Variants in KIAA1614 observed in about 807,000 individuals in gnomAD.
KIAA1614 encodes uncharacterized protein KIAA1614.
A neutral mutation model predicts 88.7 loss-of-function variants in KIAA1614; 76 were observed. That is an observed-to-expected ratio of 0.86 (90% CI 0.71 to 1.04). The LOEUF (loss-of-function observed/expected upper bound fraction) is 1.04, where lower values mean the gene tolerates loss of function less well. KIAA1614 is among the 50% of genes least tolerant of loss of function. The probability of loss-of-function intolerance (pLI) is 0.00; values close to 1 mark genes in which losing one functional copy is unlikely to be tolerated. For missense variants in KIAA1614, 1,553 were observed against 1,582.5 expected (o/e 0.98, Z 0.32); for synonymous variants, 714 against 675.5 (o/e 1.06, Z -0.88).
chr1:180,923,690 C>CAG (rs1654003016), intron 3 of KIAA1614, among the ~76,000 whole-genome samples: 1 of 152,140 alleles, frequency 6.6e-6, no homozygotes, highest in African/African-American at 2.4e-5. Context: ...AAATGTCTGG[C>CAG]AGAGGCACGT....
At position 180,916,913 on chromosome 1, in the gene KIAA1614, C is replaced by T. The variant is rs774752824; in HGVS notation, c.810C>T (p.Ala270=). ...TSEEVFVPRT[A]LLGERWRAGD... ...AGGAGGTCTTTGTCCCCAGGACGGC[C>T]CTGCTGGGTGAGCGCTGGAGAGCTG... The change falls in exon 2 of 9, where the codon GCC becomes GCT. Residue 270 remains alanine (A), a synonymous_variant. Transcript: ENST00000367588. 1.6e-5 allele frequency: 26 copies of T among 1,614,086 alleles called. No homozygotes were observed. The South Asian group carries it at 1.9e-4, about 12-fold the overall frequency.
At chr1:180,925,443 G>T (rs1375506832) in intron 3 of KIAA1614, among the ~76,000 whole-genome samples, 1 of 152,246 alleles carries the variant, frequency 6.6e-6, no homozygotes, top group Non-Finnish European at 1.5e-5. Context: ...GGAAGCGGCA[G>T]ATCCCTCTAC....
rs1445344887 is a variant in KIAA1614 at position 180,948,700 on chromosome 1, C to T, written c.*3112C>T. Reference sequence around the variant, plus strand: ...ACAGGGAGGGCAAGCAGTGAAAGGTCCATCTAGAGGAGGTAAAAGACAGGG... The same window carrying T: ...ACAGGGAGGGCAAGCAGTGAAAGGTTCATCTAGAGGAGGTAAAAGACAGGG... On this transcript the variant is annotated 3_prime_UTR_variant, in exon 9 of 9. Coordinates refer to ENST00000367588, the MANE Select transcript of KIAA1614 (RefSeq NM_020950.2). The T allele has an allele frequency of 6.6e-6, 1 of 152,228 alleles. No homozygotes were observed. Among genetic ancestry groups the T allele is most frequent in the Non-Finnish European group, 1.5e-5 (1 of 68,078 alleles). The allele number at this position is 152,228 out of a possible 1,614,324, so 9.4% of individuals were successfully genotyped here. A position where few individuals can be genotyped will look rare whatever the true frequency, so the allele number is the denominator to read the frequency against.
intron 3 of KIAA1614, among the ~76,000 whole-genome samples, chr1:180,926,474 G>GAAA (rs60582450): frequency 7.9e-6 from 1 of 126,894 alleles, no homozygotes; most frequent in Non-Finnish European, 1.7e-5. Flanking sequence ...CAGCTGATGA[G>GAAA]AAAAAAAAAA....
In KIAA1614 at chr1:180,929,625, C is replaced by T. The variant is rs75794414; in HGVS notation, c.1205+1052C>T. ...CTGCCCCCTGAGCAACACACTGCAT[C>T]CCCATCTTCCTGCCTGTTCCGCCGA... is the stretch of plus-strand genomic sequence containing the variant. On this transcript the variant is annotated intron_variant, in intron 4 of 8. Transcript: ENST00000367588. Among the ~76,000 whole-genome samples the T allele has an allele frequency of 3.3e-3, 500 of 152,350 alleles. 5 individuals carry two copies. Among genetic ancestry groups the T allele is most frequent in the Non-Finnish European group, 5.3e-3 (363 of 68,034 alleles).
Position 180,935,937 on chromosome 1 carries a change from C to T in KIAA1614, c.2028C>T (p.His676=). ...CTTGGGGCCTTCAGGCCCAGCAACA[C>T]CTGCCTAGGGCTGATGATGTGGAGG... ...ELPWGLQAQQ[H]LPRADDVEVE... The change falls in exon 5 of 9, where the codon CAC becomes CAT. Residue 676 remains histidine (H), a synonymous_variant. Transcript: ENST00000367588. The surrounding 1 kb of genome is among the most constrained non-coding windows in gnomAD (Gnocchi z 6.1). 6.2e-7 allele frequency: 1 copy of T among 1,614,016 alleles called. No individual in the cohort carries two copies. The highest frequency in any genetic ancestry group is 8.5e-7 in the Non-Finnish European group (1 of 1,179,928).
chr1:180,945,230 C>T, intron 8 of KIAA1614, 73 bp from the exon 9 acceptor site: 3 of 1,482,620 alleles, frequency 2.0e-6, no homozygotes, highest in Non-Finnish European at 2.7e-6. Context: ...CATCGGTCAT[C>T]TGTAAGCCAG....
Position 180,948,782 on chromosome 1 carries a change from AG to A in KIAA1614, c.*3195del, listed in dbSNP as rs1268159290. On this transcript the variant is annotated 3_prime_UTR_variant, in exon 9 of 9. Coordinates refer to ENST00000367588, the MANE Select transcript of KIAA1614 (RefSeq NM_020950.2). ...GCAGATGTACTCTGTCAGGGAAGAC[AG>A]CCCCACAGAAAAGGCTCGGCTTGGC... 2.6e-5 allele frequency: 4 copies of A among 152,354 alleles called. No homozygotes were observed. The highest frequency in any genetic ancestry group is 9.6e-5 in the African/African-American group (4 of 41,460). 9.4% of individuals were successfully genotyped at this position (152,354 alleles called of 1,614,324 possible).
At chr1:180,916,083 TG>T in intron 1 of KIAA1614, 70 bp from the exon 2 acceptor site, 1 of 1,254,944 alleles carries the variant, frequency 8.0e-7, no homozygotes, top group Non-Finnish European at 1.1e-6. Flanking sequence ...CAAGACACTT[TG>T]GGGCCCCGGG....
At chr1:180,926,038 C>G (rs1397116734) in intron 3 of KIAA1614, among the ~76,000 whole-genome samples, 2 of 152,228 alleles carry the variant, frequency 1.3e-5, no homozygotes, top group Non-Finnish European at 2.9e-5. Context: ...CACTTTATTC[C>G]TATGCTCCAC....
In KIAA1614 at chr1:180,935,425, G is replaced by A. The variant is rs2102269665; in HGVS notation, c.1516G>A (p.Asp506Asn). Reference sequence around the variant, plus strand: ...CATCAACGGGGCTCCCCGGCTCCGGGACGCGGGGCAGGGGACATTCCACAG... The same window carrying A: ...CATCAACGGGGCTCCCCGGCTCCGGAACGCGGGGCAGGGGACATTCCACAG... ...DYINGAPRLR[D>N]AGQGTFHRLV... Residue 506 changes from aspartate to asparagine, a missense_variant, in exon 5 of 9, where the codon GAC becomes AAC. Asp to Asn is a conservative substitution (Grantham distance 23, BLOSUM62 1). Coordinates refer to ENST00000367588, the MANE Select transcript of KIAA1614 (RefSeq NM_020950.2). The surrounding 1 kb of genome is among the most constrained non-coding windows in gnomAD (Gnocchi z 6.1). The A allele has an allele frequency of 6.8e-7, 1 of 1,472,844 alleles. No individual in the cohort carries two copies. Among genetic ancestry groups the A allele is most frequent in the South Asian group, 1.4e-5 (1 of 71,458 alleles). 91.2% of individuals were successfully genotyped at this position (1,472,844 alleles called of 1,614,324 possible). A position where few individuals can be genotyped will look rare whatever the true frequency, so the allele number is the denominator to read the frequency against.
intron 3 of KIAA1614, among the ~76,000 whole-genome samples, chr1:180,922,588 C>A (rs1333686321): frequency 1.3e-5 from 2 of 152,310 alleles, no homozygotes; most frequent in Non-Finnish European, 2.9e-5. Flanking sequence ...TGGTCAGGCC[C>A]TCAGCTGTGA....
intron 7 of KIAA1614, among the ~76,000 whole-genome samples, chr1:180,943,155 T>C (rs1418789816): frequency 6.6e-6 from 1 of 152,048 alleles, no homozygotes; most frequent in Non-Finnish European, 1.5e-5. Context: ...GCCTCCTGAG[T>C]AGTTGAGAGT....
At chr1:180,918,328 TTCC>T (rs1653867298) in intron 3 of KIAA1614, among the ~76,000 whole-genome samples, 1 of 152,192 alleles carries the variant, frequency 6.6e-6, no homozygotes, top group Admixed American at 6.5e-5. Context: ...CTTACCCCAA[TTCC>T]GTTCCCAGTC....
intron 1 of KIAA1614, among the ~76,000 whole-genome samples, chr1:180,913,538 G>A (rs960181730): frequency 6.6e-6 from 1 of 152,200 alleles, no homozygotes; most frequent in South Asian, 2.1e-4. Context: ...CGATCTTCCC[G>A]AAAGCCCGTG....
chr1:180,927,448 G>A lies in KIAA1614; in HGVS notation c.1062-982G>A, dbSNP rs115148908. On this transcript the variant is annotated intron_variant, in intron 3 of 8. Coordinates refer to ENST00000367588, the MANE Select transcript of KIAA1614 (RefSeq NM_020950.2). ...GGCTGTCGTGTGCTCTGCTCCGCTT[G>A]CAATTGACGTTCGACCTTGAACAAT... is the stretch of plus-strand genomic sequence containing the variant. 3.8e-3 allele frequency among the ~76,000 whole-genome samples: 584 copies of A among 152,346 alleles called. 1 individual carries two copies. The highest frequency in any genetic ancestry group is 3.9e-3 in the Non-Finnish European group (262 of 68,038).
At chr1:180,943,594 G>A (rs1654520584) in intron 7 of KIAA1614, among the ~76,000 whole-genome samples, 1 of 107,144 alleles carries the variant, frequency 9.3e-6, no homozygotes, top group Non-Finnish European at 1.7e-5. Context: ...TGTCACTCAG[G>A]TTGGAGTGCA....
rs528804241 is a variant in KIAA1614, at chr1:180,920,597, T to C, written c.1061+2683T>C. Among the ~76,000 whole-genome samples, 7 of 152,270 alleles carry C rather than the reference T, an allele frequency of 4.6e-5. No homozygotes were observed. In the South Asian group the frequency reaches 1.4e-3, roughly 32 times the overall value. ...AATCAAATAACCATTACAACCAAGT[T>C]AACCTAGCATGCATCTGATGGTGTC... On this transcript the variant is annotated intron_variant, in intron 3 of 8. Coordinates refer to ENST00000367588, the MANE Select transcript of KIAA1614 (RefSeq NM_020950.2).
At chr1:180,928,316 C>A in intron 3 of KIAA1614, 114 bp from the exon 4 acceptor site, 2 of 1,244,736 alleles carry the variant, frequency 1.6e-6, no homozygotes, top group African/African-American at 1.6e-5. Flanking sequence ...GAAGGCTGCA[C>A]ATGCAGGGCT....
Sources: gnomAD v4.1 joint callset for allele counts (sites outside exome capture counted in the v4.1 genomes callset) on GRCh38, gnomAD v4.1.1 for gene constraint, Gnocchi (gnomAD v3.1) non-coding constraint, MANE v1.5 for transcripts, NCBI Gene and HGNC (gene_info 2026-07-23, HGNC 2026-07-21) for gene names.